Variants in DYRK3 observed in about 807,000 individuals in gnomAD.
DYRK3 encodes dual specificity tyrosine phosphorylation regulated kinase 3.
DYRK3 carries 30 observed loss-of-function variants against 40.8 expected under a neutral mutation model. That is an observed-to-expected ratio of 0.74 (90% CI 0.55 to 1.00). DYRK3 has a LOEUF of 1.00. Ranked by LOEUF, DYRK3 falls within the 50% of genes least tolerant of loss-of-function variation. The probability of loss-of-function intolerance (pLI) is 0.00; values close to 1 mark genes in which losing one functional copy is unlikely to be tolerated. For synonymous variants in DYRK3, 272 were observed against 260.7 expected, an observed-to-expected ratio of 1.04 and a Z score of -0.42; for missense variants, 699 against 731.5, an observed-to-expected ratio of 0.96 and a Z score of 0.51.
chr1:206,641,442 A>G (rs1375447043), intron 2 of DYRK3, among the ~76,000 whole-genome samples: 1 of 130,322 alleles, frequency 7.7e-6, no homozygotes, highest in Non-Finnish European at 1.7e-5. Context: ...ATAGTATTCT[A>G]TGGTATATAT....
chr1:206,636,255 C>G (rs1023360393), intron 1 of DYRK3: 1 of 315,784 alleles, frequency 3.2e-6, no homozygotes, highest in African/African-American at 2.2e-5. Context: ...CGGCTTTCTC[C>G]GGATCCTATT....
intron 2 of DYRK3, among the ~76,000 whole-genome samples, chr1:206,642,176 A>G (rs1210238347): frequency 6.6e-6 from 1 of 150,702 alleles, no homozygotes; most frequent in Non-Finnish European, 1.5e-5. Flanking sequence ...ACACATGAAA[A>G]AATGCTCACC....
intron 2 of DYRK3, among the ~76,000 whole-genome samples, chr1:206,639,340 A>G (rs782085245): frequency 6.6e-6 from 1 of 152,110 alleles, no homozygotes; most frequent in African/African-American, 2.4e-5. Flanking sequence ...GAACTTCAGA[A>G]CCATATACAT....
At position 206,648,806 on chromosome 1, in the gene DYRK3, G is replaced by C. The variant is rs200820369; in HGVS notation, c.1608G>C (p.Val536=). The C allele has an allele frequency of 4.3e-6, 7 of 1,614,118 alleles. No individual in the cohort carries two copies. The African/African-American group carries it at 9.3e-5, about 22-fold the overall frequency. Reference sequence around the variant, plus strand: ...GACCTCTCACCACCATAGACAAGGTGTCAGGGAAACGGGTAGTTAATCCTG... The same window carrying C: ...GACCTCTCACCACCATAGACAAGGTCTCAGGGAAACGGGTAGTTAATCCTG... ...VPRPLTTIDK[V]SGKRVVNPAS... Residue 536 remains valine (V), a synonymous_variant, in exon 3 of 3, where the codon GTG becomes GTC. Transcript: ENST00000367109.
intron 2 of DYRK3, among the ~76,000 whole-genome samples, chr1:206,640,898 TA>T (rs1348354342): frequency 6.6e-6 from 1 of 152,186 alleles, no homozygotes; most frequent in Non-Finnish European, 1.5e-5. Flanking sequence ...AGATTCTATT[TA>T]AAATGCCAGA....
At chr1:206,637,506 C>A in intron 1 of DYRK3, 144 bp from the exon 2 acceptor site, 1 of 575,192 alleles carries the variant, frequency 1.7e-6, no homozygotes, top group Non-Finnish European at 3.0e-6. Context: ...TTCCAAATAC[C>A]CCAGTTGTTT....
chr1:206,643,877 G>A (rs1237527418), intron 2 of DYRK3, among the ~76,000 whole-genome samples: 1 of 152,052 alleles, frequency 6.6e-6, no homozygotes, highest in African/African-American at 2.4e-5. Flanking sequence ...GAATTTTGCT[G>A]AATTGTAACC....
chr1:206,643,931 A>G (rs1671358945), intron 2 of DYRK3, among the ~76,000 whole-genome samples: 1 of 151,162 alleles, frequency 6.6e-6, no homozygotes, highest in Non-Finnish European at 1.5e-5. Context: ...TATTATTTTT[A>G]ATTAGAATTT....
At chr1:206,641,184 G>C (rs1227616527) in intron 2 of DYRK3, among the ~76,000 whole-genome samples, 1 of 151,806 alleles carries the variant, frequency 6.6e-6, no homozygotes, top group Non-Finnish European at 1.5e-5. Flanking sequence ...CATTACCCGA[G>C]CAGTGTATAC....
chr1:206,636,797 G>T, intron 1 of DYRK3: 1 of 847,940 alleles, frequency 1.2e-6, no homozygotes, highest in East Asian at 2.7e-5. Context: ...CCGTGTTCTT[G>T]GTAGCAGATG....
chr1:206,638,623 C>A (rs1553418784), intron 2 of DYRK3, among the ~76,000 whole-genome samples: 1 of 151,092 alleles, frequency 6.6e-6, no homozygotes, highest in Admixed American at 6.6e-5. Flanking sequence ...ATTCCTTCAG[C>A]ATGCATAGAG....
chr1:206,637,506 C>G (rs1482999168), intron 1 of DYRK3, 144 bp from the exon 2 acceptor site: 2 of 575,192 alleles, frequency 3.5e-6, no homozygotes, highest in Non-Finnish European at 6.1e-6. Flanking sequence ...TTCCAAATAC[C>G]CCAGTTGTTT....
At chr1:206,644,161 A>G (rs1425147953) in intron 2 of DYRK3, among the ~76,000 whole-genome samples, 1 of 150,560 alleles carries the variant, frequency 6.6e-6, no homozygotes, top group Non-Finnish European at 1.5e-5. Context: ...CAGCCTCCTG[A>G]GTAGCTGGGA....
chr1:206,638,460 A>C (rs988493869), intron 2 of DYRK3, among the ~76,000 whole-genome samples: 2 of 151,558 alleles, frequency 1.3e-5, no homozygotes, highest in African/African-American at 4.8e-5. Context: ...TATTTTTAGT[A>C]GTCAGGGGTT....
At position 206,648,025 on chromosome 1, in the gene DYRK3, A is replaced by G. The variant is rs201468157; in HGVS notation, c.827A>G (p.Glu276Gly). 33 of 1,614,056 alleles carry G rather than the reference A, an allele frequency of 2.0e-5. No individual in the cohort carries two copies. The highest frequency in any genetic ancestry group is 2.7e-5 in the Non-Finnish European group (32 of 1,180,048). Residue 276 changes from glutamate (E) to glycine (G), a missense_variant, in exon 3 of 3, where the codon GAA becomes GGA. Transcript: ENST00000367109. ...AGTATGAACGTTATCCACATGCTGG[A>G]AAGTTTCACATTCCGGAACCATGTT... ...TGSMNVIHMLESFTFRNHVCM... is the reference protein window; with the variant it reads ...TGSMNVIHMLGSFTFRNHVCM...
At position 206,647,567 on chromosome 1, in the gene DYRK3, C is replaced by T; in HGVS notation, c.369C>T (p.Cys123=). The change falls in exon 3 of 3, where the codon TGC becomes TGT. Residue 123 remains cysteine, a synonymous_variant. Transcript: ENST00000367109. The stretch of plus-strand genomic sequence containing the variant: ...TTTCTCAGGGTAAAAGTTCAGATTG[C>T]TTGAATACAGTAAAATCCAACAGTT... The part of the protein sequence containing the change: ...PTVSQGKSSD[C]LNTVKSNSSS... The T allele has an allele frequency of 1.2e-6, 2 of 1,614,140 alleles. No homozygotes were observed. The highest frequency in any genetic ancestry group is 1.7e-6 in the Non-Finnish European group (2 of 1,180,022).
chr1:206,640,917 C>G (rs1178322555), intron 2 of DYRK3, among the ~76,000 whole-genome samples: 3 of 152,076 alleles, frequency 2.0e-5, no homozygotes, highest in Non-Finnish European at 2.9e-5. Flanking sequence ...AGAAGCCCAT[C>G]AAATTAGCAG....
chr1:206,651,348 A>AATC lies in DYRK3; in HGVS notation c.*2389_*2391dup, dbSNP rs564550733. Among the ~76,000 whole-genome samples, 2 of 152,212 alleles carry AATC rather than the reference A, an allele frequency of 1.3e-5. No individual in the cohort carries two copies. The highest frequency in any genetic ancestry group is 4.8e-5 in the African/African-American group (2 of 41,446). The stretch of plus-strand genomic sequence containing the variant: ...AGGTTTGGGAATTTTGCAGGTGCTA[A>AATC]ATCATCATGGCCAGGAAGATGAAAC... On this transcript the variant is annotated 3_prime_UTR_variant, in exon 3 of 3. Coordinates refer to ENST00000367109, the MANE Select transcript of DYRK3 (RefSeq NM_003582.4).
intron 2 of DYRK3, among the ~76,000 whole-genome samples, chr1:206,646,665 T>C (rs906899616): frequency 1.3e-5 from 2 of 152,202 alleles, no homozygotes. Flanking sequence ...GAGCACGTTG[T>C]TGATTCCAGG....
Sources: allele counts gnomAD v4.1 joint callset (sites outside exome capture counted in the v4.1 genomes callset), GRCh38; gene constraint gnomAD v4.1.1; transcripts MANE v1.5; gene names NCBI Gene and HGNC (gene_info 2026-07-23, HGNC 2026-07-21).